Variants in STPG2 observed in about 807,000 individuals in gnomAD.
STPG2 encodes the protein sperm-tail PG-rich repeat-containing protein 2.
STPG2 carries 56 observed loss-of-function variants against 54.2 expected under a neutral mutation model. The observed-to-expected ratio is 1.03, with a 90% CI of 0.83 to 1.29. The LOEUF (loss-of-function observed/expected upper bound fraction) is 1.29, where lower values mean the gene tolerates loss of function less well. STPG2 is among the 50% of genes most tolerant of loss of function. STPG2 has a pLI of 0.00. For synonymous variants in STPG2, 200 were observed against 181.8 expected, an observed-to-expected ratio of 1.10 and a Z score of -0.81; for missense variants, 596 against 544.9, an observed-to-expected ratio of 1.09 and a Z score of -0.93.
intron 8 of STPG2, among the ~76,000 whole-genome samples, chr4:97,868,698 C>T (rs534635323): frequency 2.1e-4 from 32 of 151,878 alleles, no homozygotes; most frequent in African/African-American, 7.7e-4. Context: ...TCAGACAGCT[C>T]CAAGTCTACA....
chr4:97,920,067 G>C (rs533916931), intron 8 of STPG2, among the ~76,000 whole-genome samples: 6 of 152,258 alleles, frequency 3.9e-5, no homozygotes, highest in African/African-American at 1.2e-4. Flanking sequence ...AAAGTAGCTG[G>C]CCTAAAAGAA....
At chr4:97,542,212 T>C (rs552113708) in intron 4 of STPG2, among the ~76,000 whole-genome samples, 5 of 152,258 alleles carry the variant, frequency 3.3e-5, no homozygotes, top group African/African-American at 1.2e-4. Flanking sequence ...ATTTTTGCAA[T>C]CTACTCATCT....
chr4:97,802,401 A>G (rs1013141128), intron 9 of STPG2, among the ~76,000 whole-genome samples: 5 of 152,190 alleles, frequency 3.3e-5, no homozygotes, highest in African/African-American at 1.2e-4. Context: ...CTCTACACTG[A>G]CAAGGAGTTA....
intron 8 of STPG2, among the ~76,000 whole-genome samples, chr4:97,923,978 C>T (rs1732233487): frequency 6.6e-6 from 1 of 152,134 alleles, no homozygotes; most frequent in African/African-American, 2.4e-5. Context: ...GCTGCCTGAG[C>T]CAGCAGTGGC....
At chr4:97,805,133 A>G (rs966895768) in intron 9 of STPG2, among the ~76,000 whole-genome samples, 2 of 152,216 alleles carry the variant, frequency 1.3e-5, no homozygotes, top group Non-Finnish European at 2.9e-5. Context: ...TGTGGGAAAT[A>G]TTGGGTTGAA....
chr4:97,647,999 C>G (rs1721958112), intron 10 of STPG2, among the ~76,000 whole-genome samples: 1 of 152,122 alleles, frequency 6.6e-6, no homozygotes, highest in Non-Finnish European at 1.5e-5. Flanking sequence ...GTTTGGTCAG[C>G]AATGGCACTG....
At chr4:97,798,857 C>T (rs1211519201) in intron 9 of STPG2, among the ~76,000 whole-genome samples, 1 of 38,996 alleles carries the variant, frequency 2.6e-5, no homozygotes, top group Non-Finnish European at 5.0e-5. Context: ...CTTTATGAAC[C>T]TGGGTGCTCC....
chr4:97,973,929 G>A (rs1047744916), intron 6 of STPG2, among the ~76,000 whole-genome samples: 2 of 152,210 alleles, frequency 1.3e-5, no homozygotes, highest in Non-Finnish European at 2.9e-5. Flanking sequence ...GCACCACCTA[G>A]TGGAGCTATG....
chr4:97,579,835 A>C (rs1262897976), intron 10 of STPG2, among the ~76,000 whole-genome samples: 1 of 152,050 alleles, frequency 6.6e-6, no homozygotes. Context: ...AAAACCAATT[A>C]TATTTTACAA....
intron 9 of STPG2, among the ~76,000 whole-genome samples, chr4:97,832,764 C>A (rs1254063013): frequency 1.3e-5 from 2 of 151,904 alleles, no homozygotes; most frequent in African/African-American, 2.4e-5. Context: ...TTCATAATTG[C>A]CAGAAAGAGA....
intron 4 of STPG2, among the ~76,000 whole-genome samples, chr4:97,530,761 G>A (rs1731396084): frequency 6.6e-6 from 1 of 152,168 alleles, no homozygotes; most frequent in Admixed American, 6.5e-5. Context: ...GAGAGACAGT[G>A]CTGAATTGTC....
chr4:97,777,319 C>A (rs1726409763), intron 9 of STPG2, among the ~76,000 whole-genome samples: 1 of 148,092 alleles, frequency 6.8e-6, no homozygotes, highest in Admixed American at 6.7e-5. Context: ...CAATATTATA[C>A]CATAAAATCA....
chr4:98,091,258 A>C (rs866622401), intron 5 of STPG2, among the ~76,000 whole-genome samples: 1 of 151,758 alleles, frequency 6.6e-6, no homozygotes, highest in African/African-American at 2.4e-5. Context: ...CTCTCTCTCT[A>C]CTCTCAGATC....
intron 9 of STPG2, among the ~76,000 whole-genome samples, chr4:97,820,950 C>T (rs562692904): frequency 3.3e-5 from 5 of 152,276 alleles, no homozygotes; most frequent in African/African-American, 4.8e-5. Flanking sequence ...TATGGCATTT[C>T]GCCCTCTGCC....
chr4:97,654,161 A>G (rs935967813), intron 10 of STPG2, among the ~76,000 whole-genome samples: 4 of 152,148 alleles, frequency 2.6e-5, no homozygotes, highest in Non-Finnish European at 5.9e-5. Context: ...GTACACCTCC[A>G]GACAAATGGA....
chr4:97,937,026 G>GTTCA (rs1421368895), intron 8 of STPG2, among the ~76,000 whole-genome samples: 1 of 151,792 alleles, frequency 6.6e-6, no homozygotes, highest in Admixed American at 6.6e-5. Context: ...TCAGTCATAG[G>GTTCA]TTCAGTATTT....
At chr4:97,517,043 G>A (rs1731089859) in intron 4 of STPG2, among the ~76,000 whole-genome samples, 1 of 151,770 alleles carries the variant, frequency 6.6e-6, no homozygotes. Context: ...GAGTAGCTGG[G>A]ATTATAGGCC....
At chr4:97,637,314 A>C (rs924776742) in intron 10 of STPG2, among the ~76,000 whole-genome samples, 8 of 152,356 alleles carry the variant, frequency 5.3e-5, no homozygotes, top group Non-Finnish European at 8.8e-5. Flanking sequence ...AAAAACTCTC[A>C]GTAAATTAAG....
intron 9 of STPG2, among the ~76,000 whole-genome samples, chr4:97,739,782 G>C (rs1208029245): frequency 2.0e-5 from 3 of 151,678 alleles, no homozygotes; most frequent in Non-Finnish European, 4.4e-5. Flanking sequence ...TTCTACCAGA[G>C]GTACAGGGAG....
Sources: allele counts gnomAD v4.1 joint callset (sites outside exome capture counted in the v4.1 genomes callset), GRCh38; gene constraint gnomAD v4.1.1; transcripts MANE v1.5; gene names NCBI Gene and HGNC (gene_info 2026-07-23, HGNC 2026-07-21).